HS3ST4: variants seen among roughly 807,000 people sequenced by gnomAD.
HS3ST4 encodes heparan sulfate glucosamine 3-O-sulfotransferase 4.
Under a neutral mutation model 29.2 loss-of-function variants are expected in HS3ST4, and 17 were observed. The observed-to-expected ratio is 0.58, with a 90% CI of 0.40 to 0.87. The LOEUF (loss-of-function observed/expected upper bound fraction) is 0.87, where lower values mean the gene tolerates loss of function less well. Ranked by LOEUF, HS3ST4 falls within the 40% of genes least tolerant of loss-of-function variation. HS3ST4 has a pLI of 0.00. For missense variants in HS3ST4, 627 were observed against 634.5 expected, an observed-to-expected ratio of 0.99 and a Z score of 0.13; for synonymous variants, 314 against 285.7, an observed-to-expected ratio of 1.10 and a Z score of -1.00.
At chr16:25,852,857 T>A (rs1567255585) in intron 1 of HS3ST4, among the ~76,000 whole-genome samples, 2 of 152,242 alleles carry the variant, frequency 1.3e-5, no homozygotes, top group African/African-American at 2.4e-5. Flanking sequence ...TTGAAGTTTT[T>A]AATTCATCTC....
At chr16:26,075,899 G>C (rs750179623) in intron 1 of HS3ST4, among the ~76,000 whole-genome samples, 16 of 152,018 alleles carry the variant, frequency 1.1e-4, no homozygotes, top group Non-Finnish European at 1.9e-4. Flanking sequence ...ATTCCTCCTT[G>C]GGATGTCTAT....
intron 1 of HS3ST4, among the ~76,000 whole-genome samples, chr16:26,125,876 G>C (rs1195091213): frequency 6.6e-6 from 1 of 152,180 alleles, no homozygotes; most frequent in Non-Finnish European, 1.5e-5. Context: ...CCTGGAACCT[G>C]AACGCTGAGT....
At chr16:25,698,993 G>T (rs2943325) in intron 1 of HS3ST4, among the ~76,000 whole-genome samples, 151,941 of 152,368 alleles carry the variant, frequency 1, 75,757 homozygotes, top group Middle Eastern at 1. Context: ...ATCTTCCACT[G>T]TGTAAGAGAA....
intron 1 of HS3ST4, among the ~76,000 whole-genome samples, chr16:25,766,787 T>C (rs927595763): frequency 2.0e-5 from 3 of 152,238 alleles, no homozygotes; most frequent in African/African-American, 7.2e-5. Context: ...GACAGTGTAA[T>C]GAGCAACCAC....
At chr16:25,740,870 A>G (rs1048542341) in intron 1 of HS3ST4, among the ~76,000 whole-genome samples, 3 of 152,022 alleles carry the variant, frequency 2.0e-5, no homozygotes, top group African/African-American at 7.2e-5. Context: ...TCCCCTAATT[A>G]TTTACTTTTT....
intron 1 of HS3ST4, among the ~76,000 whole-genome samples, chr16:25,730,882 A>T (rs1209925339): frequency 6.6e-6 from 1 of 151,934 alleles, no homozygotes; most frequent in African/African-American, 2.4e-5. Flanking sequence ...TACCAGAAGG[A>T]CTCACAGAAC....
chr16:25,928,409 G>A (rs985664204), intron 1 of HS3ST4, among the ~76,000 whole-genome samples: 8 of 151,998 alleles, frequency 5.3e-5, no homozygotes, highest in South Asian at 2.1e-4. Context: ...CAAAGGGGTC[G>A]TATTTTCAGG....
chr16:25,905,158 G>A (rs959271363), intron 1 of HS3ST4, among the ~76,000 whole-genome samples: 8 of 152,138 alleles, frequency 5.3e-5, no homozygotes, highest in Non-Finnish European at 1.0e-4. Flanking sequence ...GAGGAGCTGG[G>A]TGGTATAGCT....
At chr16:26,032,487 T>A (rs1969540384) in intron 1 of HS3ST4, 1 of 1,178,972 alleles carries the variant, frequency 8.5e-7, no homozygotes, top group Non-Finnish European at 1.3e-6. Flanking sequence ...AAAAATAGTA[T>A]TCCAAACTGT....
At chr16:25,981,115 TG>T (rs1471309484) in intron 1 of HS3ST4, among the ~76,000 whole-genome samples, 1 of 152,100 alleles carries the variant, frequency 6.6e-6, no homozygotes, top group African/African-American at 2.4e-5. Context: ...CCTAGCATTT[TG>T]GGAGGCTGAG....
intron 1 of HS3ST4, among the ~76,000 whole-genome samples, chr16:26,070,836 A>T (rs1008350744): frequency 3.3e-5 from 5 of 152,148 alleles, no homozygotes; most frequent in African/African-American, 1.2e-4. Flanking sequence ...ACCTGGGACC[A>T]TTTTTTAAAA....
chr16:25,713,795 C>T (rs112975653), intron 1 of HS3ST4, among the ~76,000 whole-genome samples: 1 of 152,258 alleles, frequency 6.6e-6, no homozygotes, highest in South Asian at 2.1e-4. Flanking sequence ...GAACACAACT[C>T]GGTCCATAAC....
At chr16:25,985,110 G>T (rs1304758942) in intron 1 of HS3ST4, among the ~76,000 whole-genome samples, 1 of 152,198 alleles carries the variant, frequency 6.6e-6, no homozygotes, top group Admixed American at 6.5e-5. Context: ...TACAACATTG[G>T]ACAAGTTACT....
intron 1 of HS3ST4, among the ~76,000 whole-genome samples, chr16:25,785,787 A>C (rs984138899): frequency 6.6e-6 from 1 of 152,234 alleles, no homozygotes; most frequent in South Asian, 2.1e-4. Flanking sequence ...TGTAAAGCAC[A>C]GAGAAGAAGA....
chr16:25,847,673 T>C lies in HS3ST4; in HGVS notation c.734+154522T>C, dbSNP rs576674322. On this transcript the variant is annotated intron_variant, in intron 1 of 1. Transcript: ENST00000331351. ...GTTAAAATAAAATCTGTTTCTAGAT[T>C]GCTGTGAACTCTTCCTGGGAATTCA... 5.2e-4 allele frequency among the ~76,000 whole-genome samples: 79 copies of C among 152,336 alleles called. No homozygotes were observed. In the South Asian group the frequency reaches 0.016, roughly 31 times the overall value.
chr16:26,038,393 C>G (rs773956904), intron 1 of HS3ST4, among the ~76,000 whole-genome samples: 3 of 152,130 alleles, frequency 2.0e-5, no homozygotes, highest in Non-Finnish European at 2.9e-5. Flanking sequence ...TACTGCCTAT[C>G]TAGACAGACT....
intron 1 of HS3ST4, among the ~76,000 whole-genome samples, chr16:25,986,611 A>G (rs576879647): frequency 6.6e-6 from 1 of 152,278 alleles, no homozygotes. Flanking sequence ...TAAAAATGTT[A>G]TTTTAGTCCT....
At chr16:25,817,306 C>G (rs1460212026) in intron 1 of HS3ST4, among the ~76,000 whole-genome samples, 1 of 152,190 alleles carries the variant, frequency 6.6e-6, no homozygotes, top group Non-Finnish European at 1.5e-5. Context: ...CAGAACGCCA[C>G]TACTCCAAGA....
At chr16:25,992,792 A>G (rs996503373) in intron 1 of HS3ST4, among the ~76,000 whole-genome samples, 2 of 152,216 alleles carry the variant, frequency 1.3e-5, no homozygotes, top group East Asian at 3.9e-4. Flanking sequence ...GTCTCAGTTT[A>G]TAAATTCGAG....
Sources: allele counts gnomAD v4.1 joint callset (sites outside exome capture counted in the v4.1 genomes callset), GRCh38; gene constraint gnomAD v4.1.1; transcripts MANE v1.5; gene names NCBI Gene and HGNC (gene_info 2026-07-23, HGNC 2026-07-21).